Variants in ATP8A2 observed in about 807,000 individuals in gnomAD.
ATP8A2 encodes the protein ATPase phospholipid transporting 8A2.
Under a neutral mutation model 165.6 loss-of-function variants are expected in ATP8A2, and 100 were observed. The observed-to-expected ratio is 0.60, with a 90% CI of 0.51 to 0.71. The LOEUF is 0.71. Ranked by LOEUF, ATP8A2 falls within the 30% of genes least tolerant of loss-of-function variation. The pLI is 0.00. For missense variants in ATP8A2, 1,227 were observed against 1,479.5 expected (o/e 0.83, Z 2.80); for synonymous variants, 543 against 548.8 (o/e 0.99, Z 0.15).
intron 33 of ATP8A2, among the ~76,000 whole-genome samples, chr13:25,949,856 G>C (rs1955306567): frequency 6.6e-6 from 1 of 152,132 alleles, no homozygotes; most frequent in African/African-American, 2.4e-5. Flanking sequence ...CTGGAGTGCA[G>C]TGGCAAGATC....
intron 35 of ATP8A2, among the ~76,000 whole-genome samples, chr13:25,978,960 A>T (rs1246847324): frequency 1.3e-5 from 2 of 151,024 alleles, no homozygotes; most frequent in Non-Finnish European, 2.9e-5. Context: ...GCCTCAGGAG[A>T]AATGCTGGAT....
At chr13:25,720,580 C>T (rs992911970) in intron 25 of ATP8A2, among the ~76,000 whole-genome samples, 8 of 152,146 alleles carry the variant, frequency 5.3e-5, no homozygotes, top group South Asian at 2.1e-4. Context: ...TCCCTCAGGT[C>T]GTCCACTCAT....
chr13:25,433,324 G>A (rs1318362934), intron 1 of ATP8A2, among the ~76,000 whole-genome samples: 1 of 152,138 alleles, frequency 6.6e-6, no homozygotes, highest in Non-Finnish European at 1.5e-5. Flanking sequence ...CCAGGCTGGA[G>A]TGCAGTGGTG....
chr13:25,492,636 G>A (rs566106702), intron 2 of ATP8A2, among the ~76,000 whole-genome samples: 13 of 152,136 alleles, frequency 8.5e-5, no homozygotes, highest in African/African-American at 2.4e-4. Context: ...GTAGCACTGC[G>A]TCTTATAAGC....
intron 27 of ATP8A2, among the ~76,000 whole-genome samples, chr13:25,810,014 T>A (rs763999802): frequency 4.6e-5 from 7 of 152,130 alleles, no homozygotes; most frequent in Non-Finnish European, 1.0e-4. Flanking sequence ...GCTTCAACCA[T>A]CTAAATACAG....
intron 35 of ATP8A2, among the ~76,000 whole-genome samples, chr13:25,985,734 G>T (rs1956269397): frequency 6.6e-6 from 1 of 152,180 alleles, no homozygotes; most frequent in Non-Finnish European, 1.5e-5. Context: ...GGGTGTGTTT[G>T]CCCTTGACAA....
chr13:25,621,367 T>G (rs373758162), intron 24 of ATP8A2, among the ~76,000 whole-genome samples: 24 of 152,342 alleles, frequency 1.6e-4, no homozygotes, highest in African/African-American at 5.5e-4. Flanking sequence ...GTTCTGTTTC[T>G]GATTTAATCT....
intron 33 of ATP8A2, among the ~76,000 whole-genome samples, chr13:25,864,796 C>T (rs1952460297): frequency 6.6e-6 from 1 of 152,142 alleles, no homozygotes; most frequent in African/African-American, 2.4e-5. Flanking sequence ...GCCGGACTTC[C>T]GAGTAGGTAC....
chr13:25,831,002 A>C (rs935349822), intron 28 of ATP8A2, among the ~76,000 whole-genome samples: 1 of 152,136 alleles, frequency 6.6e-6, no homozygotes, highest in African/African-American at 2.4e-5. Flanking sequence ...CTATTTAGCA[A>C]CTTTTCCAGT....
rs1170410816 is a variant in ATP8A2 at position 25,559,730 on chromosome 13, A to G, written c.1362A>G (p.Pro454=). The part of the protein sequence containing the change: ...SIAGVTYGHF[P]ELAREPSSDD... ...TCCGTTTCTCTGGCAGTCACTTCCCAGAATTGGCAAGAGAGCCGTCTTCAG... is the reference window on the plus strand; with the variant it reads ...TCCGTTTCTCTGGCAGTCACTTCCCGGAATTGGCAAGAGAGCCGTCTTCAG... The change falls in exon 15 of 37, where the codon CCA becomes CCG. Residue 454 remains proline, a synonymous_variant. Coordinates refer to ENST00000381655, the MANE Select transcript of ATP8A2 (RefSeq NM_016529.6). 1 of 1,613,506 alleles carries G rather than the reference A, an allele frequency of 6.2e-7. No homozygotes were observed. Among genetic ancestry groups the G allele is most frequent in the African/African-American group, 1.3e-5 (1 of 74,912 alleles).
At chr13:25,744,871 G>T (rs2043995194) in intron 25 of ATP8A2, among the ~76,000 whole-genome samples, 1 of 152,192 alleles carries the variant, frequency 6.6e-6, no homozygotes, top group African/African-American at 2.4e-5. Context: ...TGTTTTTACG[G>T]TTGCATGACA....
In ATP8A2 at chr13:25,953,021, C is replaced by G. The variant is rs12871857; in HGVS notation, c.3184-8554C>G. ...TGGAAAGAAATTTTAGGAGGCAACA[C>G]TGAGGGGCAAGGAGGGCTGAGAAGA... is the stretch of plus-strand genomic sequence containing the variant. On this transcript the variant is annotated intron_variant, in intron 33 of 36. Coordinates refer to ENST00000381655, the MANE Select transcript of ATP8A2 (RefSeq NM_016529.6). The surrounding 1 kb of genome is among the most constrained non-coding windows in gnomAD (Gnocchi z 6.7). Among the ~76,000 whole-genome samples, 1 of 152,116 alleles carries G rather than the reference C, an allele frequency of 6.6e-6. No homozygotes were observed. Among genetic ancestry groups the G allele is most frequent in the Non-Finnish European group, 1.5e-5 (1 of 68,018 alleles).
At chr13:25,816,238 T>C (rs1951016502) in intron 27 of ATP8A2, among the ~76,000 whole-genome samples, 1 of 152,244 alleles carries the variant, frequency 6.6e-6, no homozygotes, top group South Asian at 2.1e-4. Context: ...GATTTGTAGA[T>C]ACATGGATCT....
At chr13:25,984,697 C>A (rs1276991255) in intron 35 of ATP8A2, among the ~76,000 whole-genome samples, 1 of 151,964 alleles carries the variant, frequency 6.6e-6, no homozygotes, top group African/African-American at 2.4e-5. Context: ...AATCATAAGA[C>A]CTGTGATGAA....
chr13:25,715,456 C>A (rs1345096904), intron 25 of ATP8A2, among the ~76,000 whole-genome samples: 3 of 152,178 alleles, frequency 2.0e-5, no homozygotes, highest in Non-Finnish European at 2.9e-5. Flanking sequence ...AACATTTCAT[C>A]ATCCCCAAAA....
In ATP8A2 at chr13:25,601,628, A is replaced by T. The variant is rs541623642; in HGVS notation, c.2211+11929A>T. ...TACAGGCGCGCTACAGGCATGCACC[A>T]CCAGGCCCGGCTAATTTTTGTTTTT... On this transcript the variant is annotated intron_variant, in intron 24 of 36. Transcript: ENST00000381655. Among the ~76,000 whole-genome samples, 4 of 152,224 alleles carry T rather than the reference A, an allele frequency of 2.6e-5. No homozygotes were observed. In the East Asian group the frequency reaches 7.7e-4, roughly 29 times the overall value.
intron 33 of ATP8A2, among the ~76,000 whole-genome samples, chr13:25,914,504 G>C (rs892101678): frequency 5.3e-5 from 8 of 152,124 alleles, no homozygotes; most frequent in Non-Finnish European, 1.2e-4. Context: ...GAATGTGGAA[G>C]GTTTTTTTAT....
chr13:25,737,334 C>G (rs74037416), intron 25 of ATP8A2, among the ~76,000 whole-genome samples: 1 of 152,118 alleles, frequency 6.6e-6, no homozygotes, highest in East Asian at 1.9e-4. Context: ...CACCTGGACC[C>G]CAGTTAATTC....
At position 25,579,830 on chromosome 13, in the gene ATP8A2, T is replaced by G. The variant is rs368071046; in HGVS notation, c.1890T>G (p.Ala630=). The G allele has an allele frequency of 2.5e-6, 4 of 1,613,800 alleles. No homozygotes were observed. The highest frequency in any genetic ancestry group is 1.3e-5 in the African/African-American group (1 of 74,888). Reference sequence around the variant, plus strand: ...CAGGCTTGCGGACTCTCTGTGTGGCTTATGCTGATCTCTCTGAGAATGAGT... The same window carrying G: ...CAGGCTTGCGGACTCTCTGTGTGGCGTATGCTGATCTCTCTGAGAATGAGT... The part of the protein sequence containing the change: ...ATEGLRTLCV[A]YADLSENEYE... Residue 630 remains alanine (A), a synonymous_variant, in exon 22 of 37, where the codon GCT becomes GCG. Coordinates refer to ENST00000381655, the MANE Select transcript of ATP8A2 (RefSeq NM_016529.6).
Sources: allele counts gnomAD v4.1 joint callset (sites outside exome capture counted in the v4.1 genomes callset), GRCh38; gene constraint gnomAD v4.1.1; non-coding constraint Gnocchi (gnomAD v3.1); transcripts MANE v1.5; gene names NCBI Gene and HGNC (gene_info 2026-07-23, HGNC 2026-07-21).